Variants in TET3 observed in about 807,000 individuals in gnomAD.
The protein encoded by TET3 is tet methylcytosine dioxygenase 3.
A neutral mutation model predicts 141.4 loss-of-function variants in TET3; 19 were observed. That is an observed-to-expected ratio of 0.13 (90% confidence interval 0.09 to 0.20). The LOEUF (loss-of-function observed/expected upper bound fraction) is 0.20, where lower values mean the gene tolerates loss of function less well. Ranked by LOEUF, TET3 falls within the 10% of genes least tolerant of loss-of-function variation. TET3 has a pLI of 1.00. For missense variants in TET3, 1,874 were observed against 2,356.9 expected, an observed-to-expected ratio of 0.80 and a Z score of 4.24; for synonymous variants, 1,043 against 980.9, an observed-to-expected ratio of 1.06 and a Z score of -1.18.
the TET3 span, among the ~76,000 whole-genome samples, chr2:74,116,129 TC>T: frequency 8.6e-5 from 13 of 151,622 alleles, no homozygotes; most frequent in African/African-American, 3.1e-4. Flanking sequence ...ACATCACTAA[TC>T]ATCAGGGAAA....
At chr2:74,038,298 T>A (rs1687172037) in intron 3 of TET3, among the ~76,000 whole-genome samples, 1 of 152,126 alleles carries the variant, frequency 6.6e-6, no homozygotes, top group Non-Finnish European at 1.5e-5. Context: ...TTTCTCTGCC[T>A]GAGTAATGTT....
At chr2:74,124,947 G>A in the TET3 span, among the ~76,000 whole-genome samples, 1 of 131,216 alleles carries the variant, frequency 7.6e-6, no homozygotes. Context: ...AAAAGAAAAA[G>A]GTTAAAAACT....
chr2:74,055,594 C>T (rs181017156), intron 4 of TET3, among the ~76,000 whole-genome samples: 6 of 152,284 alleles, frequency 3.9e-5, no homozygotes, highest in South Asian at 2.1e-4. Context: ...TGCTCTTCAG[C>T]GTTAAGTCCA....
the TET3 span, among the ~76,000 whole-genome samples, chr2:74,127,765 G>A: frequency 1.0e-3 from 154 of 152,016 alleles, 3 homozygotes; most frequent in African/African-American, 3.6e-3. Flanking sequence ...TATAGGGCAC[G>A]GGAGAAGGGG....
intron 7 of TET3, among the ~76,000 whole-genome samples, chr2:74,089,080 CAAAAAAAAAAAA>C (rs34315040): frequency 3.3e-5 from 2 of 60,566 alleles, no homozygotes; most frequent in East Asian, 7.3e-4. Context: ...GATTCCGTCT[CAAAAAAAAAAAA>C]AAAAAAAAAA....
At chr2:74,027,728 T>TG (rs1309619115) in intron 3 of TET3, among the ~76,000 whole-genome samples, 24 of 152,238 alleles carry the variant, frequency 1.6e-4, no homozygotes. Context: ...AATATTCCAT[T>TG]GTATGCACAG....
At chr2:74,058,570 A>T (rs1441432039) in intron 4 of TET3, among the ~76,000 whole-genome samples, 2 of 152,066 alleles carry the variant, frequency 1.3e-5, no homozygotes, top group African/African-American at 2.4e-5. Context: ...TTGTAGACAA[A>T]TTTTTTTTAA....
chr2:74,119,497 T>G, the TET3 span, among the ~76,000 whole-genome samples: 1 of 152,226 alleles, frequency 6.6e-6, no homozygotes, highest in Non-Finnish European at 1.5e-5. Context: ...TGATGTGTGT[T>G]CTTCCTGTTC....
intron 2 of TET3, among the ~76,000 whole-genome samples, chr2:73,995,247 A>G (rs1271140684): frequency 6.6e-6 from 1 of 152,262 alleles, no homozygotes; most frequent in East Asian, 1.9e-4. Context: ...GGCGTGAGCC[A>G]CTGTGCCTGG....
intron 4 of TET3, among the ~76,000 whole-genome samples, chr2:74,068,314 CAAATGTATGTGT>C (rs1689019554): frequency 6.6e-6 from 1 of 150,484 alleles, no homozygotes; most frequent in Admixed American, 6.6e-5. Context: ...TGTGTATGTA[CAAATGTATGTGT>C]GATTGTGTGT....
the TET3 span, among the ~76,000 whole-genome samples, chr2:74,131,872 T>C: frequency 6.9e-6 from 1 of 145,752 alleles, no homozygotes. Context: ...AAACCTGTGA[T>C]TCCTCTCCCA....
At chr2:74,002,411 G>A (rs1310678446) in intron 2 of TET3, among the ~76,000 whole-genome samples, 1 of 142,756 alleles carries the variant, frequency 7.0e-6, no homozygotes, top group African/African-American at 2.6e-5. Context: ...ACCCGGAGGC[G>A]CAGTCTGTCA....
intron 2 of TET3, among the ~76,000 whole-genome samples, chr2:73,992,661 CT>C (rs971888699): frequency 4.6e-5 from 7 of 152,086 alleles, no homozygotes; most frequent in Admixed American, 4.6e-4. Flanking sequence ...TTTGCCCAGC[CT>C]GGTGAACTCA....
chr2:74,046,549 C>A lies in TET3; in HGVS notation c.632C>A (p.Ser211Tyr), dbSNP rs1687631376. The change falls in exon 4 of 12, where the codon TCC becomes TAC. Residue 211 changes from serine (S) to tyrosine (Y), a missense_variant. By Grantham distance (144) the Ser-to-Tyr change is moderately radical (BLOSUM62 -2). Around this residue, in one of 10 missense-constraint regions of TET3, gnomAD observed 366 missense variants for 487.0 expected, o/e 0.75. Transcript: ENST00000409262. This position sits in a 1 kb window ranked among gnomAD's most constrained non-coding sequence, Gnocchi z 4.3. ...VAFSAVAEAVSSYGALSTRLY... is the reference protein window; with the variant it reads ...VAFSAVAEAVYSYGALSTRLY... ...TTTTCGGCTGTGGCCGAAGCTGTGT[C>A]CTCTTATGGGGCCCTTAGCACCCGG... is the stretch of plus-strand genomic sequence containing the variant. The A allele has an allele frequency of 1.2e-6, 2 of 1,614,006 alleles. No individual in the cohort carries two copies. The highest frequency in any genetic ancestry group is 1.7e-6 in the Non-Finnish European group (2 of 1,179,872).
chr2:74,102,963 G>C lies in TET3; in HGVS notation c.*787G>C, dbSNP rs1691313650. Reference sequence around the variant, plus strand: ...GCTTTCCCCAGAAACCAGGTTGGAAGTAGATGGCTTCAAGCTTGCTAGTCT... The same window carrying C: ...GCTTTCCCCAGAAACCAGGTTGGAACTAGATGGCTTCAAGCTTGCTAGTCT... On this transcript the variant is annotated 3_prime_UTR_variant, in exon 12 of 12. Transcript: ENST00000409262. 1 of 152,234 alleles carries C rather than the reference G, an allele frequency of 6.6e-6. No homozygotes were observed. Among genetic ancestry groups the C allele is most frequent in the Non-Finnish European group, 1.5e-5 (1 of 68,068 alleles). The allele number at this position is 152,234 out of a possible 1,614,324, so 9.4% of individuals were successfully genotyped here. A position where few individuals can be genotyped will look rare whatever the true frequency, so the allele number is the denominator to read the frequency against.
At chr2:74,109,124 T>C (rs1314731804), downstream of TET3, among the ~76,000 whole-genome samples, 1 of 152,202 alleles carries the variant, frequency 6.6e-6, no homozygotes, top group Non-Finnish European at 1.5e-5. Flanking sequence ...TTCTGTCCCC[T>C]TCCTGAGCGC....
chr2:74,105,529 G>C lies in TET3; in HGVS notation c.*3353G>C. The C allele has an allele frequency of 2.5e-6, 1 of 398,342 alleles. No homozygotes were observed. The highest frequency in any genetic ancestry group is 4.4e-6 in the Non-Finnish European group (1 of 225,810). The allele number at this position is 398,342 out of a possible 1,614,324, so 24.7% of individuals were successfully genotyped here. On this transcript the variant is annotated 3_prime_UTR_variant, in exon 12 of 12. Transcript: ENST00000409262. ...TTTTTGGTTTTGGGTCTGGCTTTTA[G>C]CAGGGCCAATGTTTCCCACACCCCG...
chr2:74,062,280 T>G (rs2103842279), intron 4 of TET3, among the ~76,000 whole-genome samples: 1 of 152,362 alleles, frequency 6.6e-6, no homozygotes, highest in East Asian at 1.9e-4. Context: ...AAAAACATTT[T>G]TAAATATGCA....
In TET3 at chr2:74,103,824, A is replaced by G. The variant is rs567519415; in HGVS notation, c.*1648A>G. On this transcript the variant is annotated 3_prime_UTR_variant, in exon 12 of 12. Transcript: ENST00000409262. ...AATGGGGGGCTTCATCAGGACACAC[A>G]GAGGGGAATGTGGCCACACGGTGGA... The G allele has an allele frequency of 1.3e-5, 2 of 153,932 alleles. No individual in the cohort carries two copies. The highest frequency in any genetic ancestry group is 4.8e-5 in the African/African-American group (2 of 41,576). 9.5% of individuals were successfully genotyped at this position (153,932 alleles called of 1,614,324 possible).
Sources: allele counts gnomAD v4.1 joint callset (sites outside exome capture counted in the v4.1 genomes callset), GRCh38; gene constraint gnomAD v4.1.1; regional missense constraint gnomAD v4.1.1; non-coding constraint Gnocchi (gnomAD v3.1); transcripts MANE v1.5; gene names NCBI Gene and HGNC (gene_info 2026-07-23, HGNC 2026-07-21).